The following DNAAF9 variants were observed in gnomAD, a reference collection of about 807,000 sequenced individuals.
DNAAF9 encodes dynein axonemal assembly factor 9.
A neutral mutation model predicts 167.0 loss-of-function variants in DNAAF9; 90 were observed. The observed-to-expected ratio is 0.54, with a 90% CI of 0.45 to 0.64. The LOEUF is 0.64. DNAAF9 is among the 30% of genes least tolerant of loss of function. DNAAF9 has a pLI of 0.00. For synonymous variants in DNAAF9, 491 were observed against 508.8 expected, an observed-to-expected ratio of 0.96 and a Z score of 0.47; for missense variants, 1,315 against 1,442.2, an observed-to-expected ratio of 0.91 and a Z score of 1.43.
intron 20 of DNAAF9, among the ~76,000 whole-genome samples, chr20:3,307,847 C>T (rs1003929065): frequency 1.3e-5 from 2 of 151,860 alleles, no homozygotes; most frequent in African/African-American, 4.8e-5. Flanking sequence ...TAAAAATCTT[C>T]CAACAGCCCA....
intron 27 of DNAAF9, among the ~76,000 whole-genome samples, chr20:3,284,290 C>G (rs1021808245): frequency 6.6e-6 from 1 of 151,286 alleles, no homozygotes; most frequent in African/African-American, 2.4e-5. Context: ...AAGCGATCCT[C>G]CTGCCTCAGC....
chr20:3,358,671 T>C (rs573779516), intron 7 of DNAAF9, among the ~76,000 whole-genome samples: 1 of 152,238 alleles, frequency 6.6e-6, no homozygotes, highest in Admixed American at 6.6e-5. Context: ...TATTATTCTT[T>C]TACTTTATTT....
chr20:3,354,432 C>G (rs994909659), intron 7 of DNAAF9, among the ~76,000 whole-genome samples: 1 of 152,246 alleles, frequency 6.6e-6, no homozygotes, highest in Non-Finnish European at 1.5e-5. Context: ...GAACTTCAAA[C>G]AGAACTCCTG....
chr20:3,397,378 G>T (rs983687203), intron 1 of DNAAF9, among the ~76,000 whole-genome samples: 7 of 151,882 alleles, frequency 4.6e-5, no homozygotes, highest in African/African-American at 1.7e-4. Flanking sequence ...GAGTGCAGTG[G>T]CATGATCTTG....
intron 6 of DNAAF9, among the ~76,000 whole-genome samples, chr20:3,368,687 A>ATT (rs1393679332): frequency 2.1e-5 from 3 of 143,902 alleles, no homozygotes; most frequent in East Asian, 2.1e-4. Flanking sequence ...TAATTTTTGT[A>ATT]TTTTTTTTTT....
At chr20:3,317,639 C>G (rs1449955830) in intron 17 of DNAAF9, among the ~76,000 whole-genome samples, 1 of 152,066 alleles carries the variant, frequency 6.6e-6, no homozygotes, top group African/African-American at 2.4e-5. Flanking sequence ...CTCTGTCACC[C>G]AGGCTGGAGT....
intron 3 of DNAAF9, among the ~76,000 whole-genome samples, chr20:3,380,516 T>C (rs1319878851): frequency 1.3e-5 from 2 of 152,198 alleles, no homozygotes; most frequent in Non-Finnish European, 2.9e-5. Context: ...CTCTGGCCTC[T>C]ATCCACTAGA....
chr20:3,332,841 T>C (rs117159616), intron 10 of DNAAF9, among the ~76,000 whole-genome samples: 2,685 of 152,142 alleles, frequency 0.018, 31 homozygotes, highest in Middle Eastern at 0.034. Context: ...TAACTGTTTT[T>C]CCAAAGGTAT....
At chr20:3,259,191 T>TA (rs1372326096) in intron 33 of DNAAF9, among the ~76,000 whole-genome samples, 1 of 152,092 alleles carries the variant, frequency 6.6e-6, no homozygotes, top group Non-Finnish European at 1.5e-5. Context: ...GTGTGGAGTG[T>TA]AAGGCTCTGA....
intron 10 of DNAAF9, among the ~76,000 whole-genome samples, chr20:3,332,892 GT>G (rs1568610171): frequency 1.5e-5 from 2 of 129,222 alleles, no homozygotes; most frequent in East Asian, 2.2e-4. Flanking sequence ...GTGTGCGTGT[GT>G]GCGTGTGGTG....
chr20:3,316,377 G>A (rs1318216012), intron 18 of DNAAF9, among the ~76,000 whole-genome samples: 1 of 152,110 alleles, frequency 6.6e-6, no homozygotes, highest in African/African-American at 2.4e-5. Context: ...AGCAAGTCAC[G>A]GGATCCACTT....
intron 7 of DNAAF9, 65 bp from the exon 8 acceptor site, chr20:3,348,688 A>C: frequency 1.1e-6 from 1 of 924,526 alleles, no homozygotes; most frequent in Non-Finnish European, 1.6e-6. Context: ...GAAAACGAGA[A>C]TTATGAAACT....
chr20:3,406,695 T>C (rs966893601), intron 1 of DNAAF9, among the ~76,000 whole-genome samples: 1 of 152,120 alleles, frequency 6.6e-6, no homozygotes, highest in African/African-American at 2.4e-5. Flanking sequence ...AGCTTGGGAC[T>C]GTGTCTCTAC....
At chr20:3,366,187 T>C (rs565067615) in intron 6 of DNAAF9, among the ~76,000 whole-genome samples, 15 of 152,214 alleles carry the variant, frequency 9.9e-5, no homozygotes, top group Non-Finnish European at 1.9e-4. Flanking sequence ...CAGAGGAATC[T>C]ATTGCCTAAC....
intron 36 of DNAAF9, 143 bp downstream of exon 36, chr20:3,253,583 T>C: frequency 1.6e-6 from 1 of 644,838 alleles, no homozygotes; most frequent in South Asian, 1.9e-5. Context: ...CCCCTGTGCA[T>C]TCCTGACCCA....
chr20:3,323,176 A>G (rs1200449953), intron 14 of DNAAF9, among the ~76,000 whole-genome samples: 1 of 149,130 alleles, frequency 6.7e-6, no homozygotes, highest in Non-Finnish European at 1.5e-5. Context: ...ATAGCTACAC[A>G]CTAATTACTG....
chr20:3,343,026 T>C (rs1212727041), intron 9 of DNAAF9, among the ~76,000 whole-genome samples: 1 of 135,822 alleles, frequency 7.4e-6, no homozygotes, highest in Non-Finnish European at 1.6e-5. Flanking sequence ...TGTACTCTGA[T>C]GATTATTTCT....
At chr20:3,403,863 A>T (rs1012077836) in intron 1 of DNAAF9, among the ~76,000 whole-genome samples, 13 of 152,242 alleles carry the variant, frequency 8.5e-5, no homozygotes, top group Admixed American at 7.2e-4. Context: ...TATGTTGCCC[A>T]GACTGGACTT....
At chr20:3,291,328 C>T (rs1211495305) in intron 25 of DNAAF9, among the ~76,000 whole-genome samples, 1 of 151,818 alleles carries the variant, frequency 6.6e-6, no homozygotes, top group African/African-American at 2.4e-5. Context: ...ATGGCAAGTG[C>T]CTCTGTAAGT....
Sources: allele counts gnomAD v4.1 joint callset (sites outside exome capture counted in the v4.1 genomes callset), GRCh38; gene constraint gnomAD v4.1.1; transcripts MANE v1.5; gene names NCBI Gene and HGNC (gene_info 2026-07-23, HGNC 2026-07-21).